The following PIK3R3 variants were observed in gnomAD, a reference collection of about 807,000 sequenced individuals.
PIK3R3 encodes phosphatidylinositol 3-kinase regulatory subunit gamma.
In PIK3R3, 64 loss-of-function variants were observed where a neutral mutation model predicts 62.9. That is an observed-to-expected ratio of 1.02 (90% CI 0.83 to 1.25). PIK3R3 has a LOEUF of 1.25. Ranked by LOEUF, PIK3R3 falls within the 50% of genes most tolerant of loss-of-function variation. The pLI, the probability that PIK3R3 is intolerant of heterozygous loss-of-function variation, is 0.00. For missense variants in PIK3R3, 614 were observed against 561.6 expected, an observed-to-expected ratio of 1.09 and a Z score of -0.94; for synonymous variants, 165 against 189.0, an observed-to-expected ratio of 0.87 and a Z score of 1.04.
chr1:46,043,894 A>G, intron 9 of PIK3R3, 23 bp from the exon 10 acceptor site: 2 of 1,596,232 alleles, frequency 1.3e-6, no homozygotes, highest in Non-Finnish European at 1.7e-6. Context: ...ACCACAGAAG[A>G]AATGTTAAGG....
the PIK3R3 span, among the ~76,000 whole-genome samples, chr1:46,174,690 A>C: frequency 6.6e-6 from 1 of 152,192 alleles, no homozygotes; most frequent in African/African-American, 2.4e-5. Flanking sequence ...GGTTACAGCC[A>C]GTGACACATG....
intron 1 of PIK3R3, among the ~76,000 whole-genome samples, chr1:46,119,683 T>C (rs949539989): frequency 6.6e-6 from 1 of 152,142 alleles, no homozygotes; most frequent in African/African-American, 2.4e-5. Context: ...CTGCCCAGGC[T>C]GATCTCCAAC....
At chr1:46,124,902 A>G (rs1571565504) in intron 1 of PIK3R3, among the ~76,000 whole-genome samples, 1 of 151,872 alleles carries the variant, frequency 6.6e-6, no homozygotes, top group Non-Finnish European at 1.5e-5. Context: ...GTTTGAGACC[A>G]GTCTGGCCAA....
intron 1 of PIK3R3, among the ~76,000 whole-genome samples, chr1:46,090,303 C>T (rs1018237760): frequency 2.7e-5 from 4 of 147,126 alleles, no homozygotes; most frequent in African/African-American, 7.4e-5. Flanking sequence ...TGCTGTTCTA[C>T]GCAGTCTTTT....
upstream of PIK3R3, chr1:46,132,997 G>A (rs1655763247): frequency 7.6e-5 from 82 of 1,075,416 alleles, 2 homozygotes; most frequent in South Asian, 1.3e-3. Context: ...TGGGGCGAGG[G>A]AAGAGAGGCA....
At chr1:46,158,263 C>T in the PIK3R3 span, among the ~76,000 whole-genome samples, 1 of 152,228 alleles carries the variant, frequency 6.6e-6, no homozygotes, top group Non-Finnish European at 1.5e-5. Context: ...TACATCCAAA[C>T]TCCCTAACTT....
At chr1:46,088,808 A>G (rs901619767) in intron 1 of PIK3R3, among the ~76,000 whole-genome samples, 2 of 151,874 alleles carry the variant, frequency 1.3e-5, no homozygotes, top group South Asian at 2.1e-4. Flanking sequence ...AAAGATCCAT[A>G]TCAAGCTACA....
chr1:46,167,299 G>A, the PIK3R3 span, among the ~76,000 whole-genome samples: 1 of 152,256 alleles, frequency 6.6e-6, no homozygotes, highest in Non-Finnish European at 1.5e-5. Context: ...AGCTCTGGAT[G>A]TCCCCATCCC....
chr1:46,164,370 C>T, the PIK3R3 span, among the ~76,000 whole-genome samples: 1 of 152,152 alleles, frequency 6.6e-6, no homozygotes, highest in East Asian at 1.9e-4. Flanking sequence ...TTCTTTCCAT[C>T]CCAGGGCCAA....
At chr1:46,141,272 T>G in the PIK3R3 span, among the ~76,000 whole-genome samples, 1 of 151,918 alleles carries the variant, frequency 6.6e-6, no homozygotes, top group Non-Finnish European at 1.5e-5. Flanking sequence ...TTTACTTTAT[T>G]TTATTTATTT....
At chr1:46,138,533 T>C in the PIK3R3 span, among the ~76,000 whole-genome samples, 4,190 of 152,132 alleles carry the variant, frequency 0.028, 428 homozygotes, top group East Asian at 0.32. Flanking sequence ...GGTGGTGTGC[T>C]CCTGTAGTCC....
At chr1:46,157,300 T>C in the PIK3R3 span, among the ~76,000 whole-genome samples, 1 of 152,180 alleles carries the variant, frequency 6.6e-6, no homozygotes, top group Non-Finnish European at 1.5e-5. Context: ...CGCCAGCTAA[T>C]TTTCGTATTT....
At chr1:46,049,152 G>C (rs1647189703) in intron 7 of PIK3R3, among the ~76,000 whole-genome samples, 1 of 144,228 alleles carries the variant, frequency 6.9e-6, no homozygotes, top group Non-Finnish European at 1.5e-5. Flanking sequence ...CTTTGGCCCA[G>C]CAATCTCTTC....
At chr1:46,146,026 G>C in the PIK3R3 span, among the ~76,000 whole-genome samples, 1 of 152,212 alleles carries the variant, frequency 6.6e-6, no homozygotes. Flanking sequence ...TCAGAGAAGA[G>C]CCAAAGCCGG....
chr1:46,091,491 C>CAT (rs1258662558), intron 1 of PIK3R3, among the ~76,000 whole-genome samples: 2 of 151,598 alleles, frequency 1.3e-5, no homozygotes, highest in Non-Finnish European at 2.9e-5. Context: ...CATACACACA[C>CAT]ACACACACAG....
the PIK3R3 span, among the ~76,000 whole-genome samples, chr1:46,140,835 GTTTTTTGT>G: frequency 9.2e-5 from 14 of 151,600 alleles, no homozygotes; most frequent in East Asian, 1.9e-4. Context: ...TTTGTTCTTT[GTTTTTTGT>G]TTTTTTGTTT....
intron 1 of PIK3R3, among the ~76,000 whole-genome samples, chr1:46,116,912 T>A (rs1654235521): frequency 6.6e-6 from 1 of 152,074 alleles, no homozygotes; most frequent in Admixed American, 6.6e-5. Flanking sequence ...CACAGATACT[T>A]TACCCATTTT....
chr1:46,059,393 T>C (rs1237866481), intron 6 of PIK3R3, among the ~76,000 whole-genome samples: 6 of 152,244 alleles, frequency 3.9e-5, no homozygotes, highest in Non-Finnish European at 7.3e-5. Flanking sequence ...TTCCCTGACA[T>C]TATCTTGGTA....
intron 5 of PIK3R3, among the ~76,000 whole-genome samples, chr1:46,063,594 A>G (rs995539957): frequency 6.6e-6 from 1 of 152,200 alleles, no homozygotes; most frequent in Non-Finnish European, 1.5e-5. Context: ...AGCAAAGGGA[A>G]AAGTATTTGA....
Sources: allele counts gnomAD v4.1 joint callset (sites outside exome capture counted in the v4.1 genomes callset), GRCh38; gene constraint gnomAD v4.1.1; transcripts MANE v1.5; gene names NCBI Gene and HGNC (gene_info 2026-07-23, HGNC 2026-07-21).